Variants in ZC3H12B observed in about 807,000 individuals in gnomAD.
ZC3H12B encodes the protein probable ribonuclease ZC3H12B.
ZC3H12B carries 7 observed loss-of-function variants against 43.9 expected under a neutral mutation model. That is an observed-to-expected ratio of 0.16 (90% confidence interval 0.09 to 0.30). The LOEUF (loss-of-function observed/expected upper bound fraction) is 0.30. Ranked by LOEUF, ZC3H12B falls within the 10% of genes least tolerant of loss-of-function variation. The pLI is 1.00. For missense variants in ZC3H12B, 475 were observed against 670.2 expected (o/e 0.71, Z 3.22); for synonymous variants, 222 against 241.7 (o/e 0.92, Z 0.76).
chrX:65,066,152 A>G, the ZC3H12B span, among the ~76,000 whole-genome samples: 1 of 110,141 alleles, frequency 9.1e-6, no homozygotes, highest in African/African-American at 3.3e-5. Context: ...TCAGTTCGTC[A>G]AACTAATTCT....
At chrX:65,432,084 CAGG>C (rs1460953913) in intron 3 of ZC3H12B, among the ~76,000 whole-genome samples, 1 of 111,988 alleles carries the variant, frequency 8.9e-6, no homozygotes, top group East Asian at 2.8e-4. Flanking sequence ...GACAGGACAG[CAGG>C]AGTAGACACC....
the ZC3H12B span, among the ~76,000 whole-genome samples, chrX:65,350,467 G>A: frequency 9.0e-6 from 1 of 111,533 alleles, no homozygotes; most frequent in South Asian, 3.8e-4. Context: ...GTATTTGCAG[G>A]TCTGGCCAGG....
At chrX:65,194,520 C>A in the ZC3H12B span, among the ~76,000 whole-genome samples, 1 of 110,992 alleles carries the variant, frequency 9.0e-6, no homozygotes, top group Admixed American at 9.5e-5. Context: ...AGTTTTATTC[C>A]TTTGTGGTCA....
rs187126225 is a variant in ZC3H12B at position 65,382,565 on chromosome X, C to A, written n.295+13567C>A. Among the ~76,000 whole-genome samples, 57 of 111,607 alleles carry A rather than the reference C, an allele frequency of 5.1e-4. 1 individual carries two copies. Among genetic ancestry groups the A allele is most frequent in the African/African-American group, 1.8e-3 (56 of 30,666 alleles). ...CACAAGACAGGTATACCCTCTCTCA[C>A]CACTCCTATTCAGCATAGTATTGGA... On this transcript the variant is annotated intron_variant and non_coding_transcript_variant, in intron 2 of 5. Transcript: ENST00000617377.
chrX:65,222,538 G>A, the ZC3H12B span, among the ~76,000 whole-genome samples: 129 of 107,909 alleles, frequency 1.2e-3, 1 homozygote, highest in African/African-American at 4.3e-3. Flanking sequence ...TAGACATGGT[G>A]TACACCAATA....
chrX:65,245,329 C>T, the ZC3H12B span, among the ~76,000 whole-genome samples: 1 of 111,865 alleles, frequency 8.9e-6, no homozygotes, highest in Admixed American at 9.5e-5. Flanking sequence ...GGATTCCTCC[C>T]TAACTCATTC....
chrX:65,164,965 C>T, the ZC3H12B span, among the ~76,000 whole-genome samples: 4 of 111,750 alleles, frequency 3.6e-5, no homozygotes, highest in Admixed American at 9.6e-5. Flanking sequence ...TTTCCTCAGG[C>T]ATTATACAGT....
At chrX:65,137,337 G>A in the ZC3H12B span, among the ~76,000 whole-genome samples, 2 of 112,043 alleles carry the variant, frequency 1.8e-5, no homozygotes, top group African/African-American at 6.5e-5. Context: ...TGGATTATGA[G>A]TAAAGGGAAA....
chrX:65,131,680 G>T, the ZC3H12B span, among the ~76,000 whole-genome samples: 3 of 111,437 alleles, frequency 2.7e-5, no homozygotes, highest in East Asian at 5.7e-4. Flanking sequence ...CTAACCATGC[G>T]TAGGAAGGAA....
chrX:65,201,430 C>CT, the ZC3H12B span, among the ~76,000 whole-genome samples: 2 of 111,222 alleles, frequency 1.8e-5, no homozygotes, highest in African/African-American at 6.5e-5. Context: ...TTATTTGATA[C>CT]TTTTTTCTTT....
the ZC3H12B span, among the ~76,000 whole-genome samples, chrX:65,296,916 A>T: frequency 8.9e-6 from 1 of 112,071 alleles, no homozygotes; most frequent in Non-Finnish European, 1.9e-5. Context: ...TGATTGTCTC[A>T]ATAGCTGCAG....
the ZC3H12B span, among the ~76,000 whole-genome samples, chrX:65,169,519 G>T: frequency 1.8e-5 from 2 of 111,894 alleles, no homozygotes; most frequent in African/African-American, 6.5e-5. Context: ...TGTTGATTTG[G>T]GGTGGAGAGT....
intron 3 of ZC3H12B, among the ~76,000 whole-genome samples, chrX:65,437,985 T>C (rs1319279971): frequency 8.9e-6 from 1 of 112,606 alleles, no homozygotes; most frequent in African/African-American, 3.2e-5. Flanking sequence ...GTACCTCTTA[T>C]TGAAGAGATT....
intron 3 of ZC3H12B, among the ~76,000 whole-genome samples, chrX:65,403,485 T>A (rs2066787524): frequency 9.0e-6 from 1 of 111,351 alleles, no homozygotes; most frequent in South Asian, 3.7e-4. Context: ...AAGTTATATA[T>A]CTCCAAGCAT....
At chrX:65,094,743 A>G in the ZC3H12B span, among the ~76,000 whole-genome samples, 1 of 112,068 alleles carries the variant, frequency 8.9e-6, no homozygotes, top group African/African-American at 3.2e-5. Context: ...AAATTGTTGT[A>G]ATTGTATTAT....
chrX:65,321,882 G>T, the ZC3H12B span, among the ~76,000 whole-genome samples: 1 of 110,670 alleles, frequency 9.0e-6, no homozygotes, highest in African/African-American at 3.3e-5. Context: ...TATCACCGGA[G>T]GCTACTTAGG....
At chrX:65,328,465 C>T in the ZC3H12B span, 7 of 259,320 alleles carry the variant, frequency 2.7e-5, no homozygotes, top group African/African-American at 5.9e-5. Flanking sequence ...ATAGTTTTAG[C>T]TCTTCAGGAA....
the ZC3H12B span, among the ~76,000 whole-genome samples, chrX:65,102,890 G>T: frequency 9.0e-6 from 1 of 111,651 alleles, no homozygotes; most frequent in Non-Finnish European, 1.9e-5. Context: ...GATTTCAAAA[G>T]GGTTGGGGTG....
At chrX:65,458,062 T>TAA (rs56840636) in intron 3 of ZC3H12B, among the ~76,000 whole-genome samples, 1,128 of 15,839 alleles carry the variant, frequency 0.071, 136 homozygotes, top group African/African-American at 0.25. Context: ...GAATGATCAA[T>TAA]AAAAAAAAAA....
Sources: allele counts gnomAD v4.1 joint callset (sites outside exome capture counted in the v4.1 genomes callset), GRCh38; gene constraint gnomAD v4.1.1; transcripts MANE v1.5; gene names NCBI Gene and HGNC (gene_info 2026-07-23, HGNC 2026-07-21).